The following DCLK1 variants were observed in gnomAD, a reference collection of about 807,000 sequenced individuals.
The protein encoded by DCLK1 is serine/threonine-protein kinase DCLK1.
In DCLK1, 16 loss-of-function variants were observed where a neutral mutation model predicts 86.2. The observed-to-expected ratio is 0.19, with a 90% CI of 0.13 to 0.28. The LOEUF is 0.28. Among genes scored for constraint, DCLK1 ranks in the 10% least tolerant of loss-of-function variants. The pLI, the probability that DCLK1 is intolerant of heterozygous loss-of-function variation, is 1.00. For missense variants in DCLK1, 590 were observed against 940.2 expected (o/e 0.63, Z 4.87); for synonymous variants, 369 against 370.5 (o/e 1.00, Z 0.05).
chr13:36,031,912 C>A (rs1391048636), intron 3 of DCLK1, among the ~76,000 whole-genome samples: 1 of 152,140 alleles, frequency 6.6e-6, no homozygotes, highest in Non-Finnish European at 1.5e-5. Flanking sequence ...GAGGTCTCAG[C>A]AGTGGAGGTC....
At chr13:35,788,163 C>A in intron 16 of DCLK1, 1 of 1,572,096 alleles carries the variant, frequency 6.4e-7, no homozygotes, top group Non-Finnish European at 8.8e-7. Context: ...TGGAGACTGC[C>A]AGCACGTTGC....
At chr13:35,947,247 G>A (rs1282833512) in intron 4 of DCLK1, 111 bp downstream of exon 4, 1 of 687,728 alleles carries the variant, frequency 1.5e-6, no homozygotes, top group Non-Finnish European at 2.5e-6. Context: ...GCTGGGTGAG[G>A]ATCTGAAACT....
intron 2 of DCLK1, among the ~76,000 whole-genome samples, chr13:36,115,101 G>A (rs1885737662): frequency 6.6e-6 from 1 of 152,150 alleles, no homozygotes; most frequent in Admixed American, 6.5e-5. Context: ...GGGTGGATGA[G>A]GCTGCAGTGA....
chr13:35,862,589 TCTACAGCA>T (rs1871483725), intron 5 of DCLK1, among the ~76,000 whole-genome samples: 1 of 152,160 alleles, frequency 6.6e-6, no homozygotes, highest in Non-Finnish European at 1.5e-5. Context: ...ATACCTACAA[TCTACAGCA>T]CAAACATACT....
chr13:35,827,485 A>G, intron 10 of DCLK1, 150 bp downstream of exon 10: 2 of 940,028 alleles, frequency 2.1e-6, no homozygotes, highest in East Asian at 2.7e-5. Flanking sequence ...GCCCTTGTGT[A>G]CCATTCTCCT....
chr13:36,006,164 C>T, intron 3 of DCLK1, among the ~76,000 whole-genome samples: 1 of 152,050 alleles, frequency 6.6e-6, no homozygotes, highest in East Asian at 1.9e-4. Context: ...CACACGTATC[C>T]CAGAACTTAA....
intron 16 of DCLK1, among the ~76,000 whole-genome samples, chr13:35,777,334 G>A (rs1339004165): frequency 6.6e-6 from 1 of 152,202 alleles, no homozygotes; most frequent in Non-Finnish European, 1.5e-5. Context: ...TTTACAGGCA[G>A]GGAAACTGAG....
intron 3 of DCLK1, among the ~76,000 whole-genome samples, chr13:36,074,298 C>T (rs1221821874): frequency 6.6e-6 from 1 of 151,654 alleles, no homozygotes. Flanking sequence ...GTCAGGAGAT[C>T]GAGACCTTCC....
rs140518392 is a variant in DCLK1, at chr13:36,055,109, A to G, written c.723+56760T>C. Among the ~76,000 whole-genome samples the G allele has an allele frequency of 4.4e-3, 673 of 152,294 alleles. 5 individuals are homozygous for G. The highest frequency in any genetic ancestry group is 0.015 in the African/African-American group (641 of 41,560). Reference sequence around the variant, plus strand: ...CGCTGAAAAGGCAAATAAAGAGATTAGAGAGGACTCAGAGCCTTTAAGCAT... The same window carrying G: ...CGCTGAAAAGGCAAATAAAGAGATTGGAGAGGACTCAGAGCCTTTAAGCAT... On this transcript the variant is annotated intron_variant, in intron 3 of 16. Coordinates refer to ENST00000360631, the MANE Select transcript of DCLK1 (RefSeq NM_001330071.2).
At chr13:35,830,320 G>A in intron 8 of DCLK1, among the ~76,000 whole-genome samples, 1 of 152,136 alleles carries the variant, frequency 6.6e-6, no homozygotes, top group South Asian at 2.1e-4. Context: ...GAGCCCAGGA[G>A]GTAAAGGCTG....
intron 3 of DCLK1, among the ~76,000 whole-genome samples, chr13:35,963,279 A>C (rs1185935477): frequency 6.6e-6 from 1 of 152,230 alleles, no homozygotes; most frequent in African/African-American, 2.4e-5. Flanking sequence ...TTTTCTTATG[A>C]GCCTACTACG....
chr13:36,070,832 G>A (rs939945069), intron 3 of DCLK1, among the ~76,000 whole-genome samples: 17 of 151,896 alleles, frequency 1.1e-4, no homozygotes, highest in East Asian at 1.9e-4. Context: ...TAGTAGAAAC[G>A]GGGTTTCACT....
chr13:35,867,408 T>C (rs1367815861), intron 5 of DCLK1, among the ~76,000 whole-genome samples: 1 of 152,210 alleles, frequency 6.6e-6, no homozygotes, highest in African/African-American at 2.4e-5. Context: ...ACTTTCTTTA[T>C]GAAAATGATA....
chr13:36,127,050 G>A (rs1215271850), intron 1 of DCLK1, among the ~76,000 whole-genome samples: 1 of 152,192 alleles, frequency 6.6e-6, no homozygotes, highest in East Asian at 1.9e-4. Context: ...TACAGTGAAA[G>A]AGAAGTAGCT....
At chr13:36,082,075 C>A (rs1163655211) in intron 3 of DCLK1, among the ~76,000 whole-genome samples, 2 of 152,162 alleles carry the variant, frequency 1.3e-5, no homozygotes, top group Non-Finnish European at 2.9e-5. Context: ...CAGGTTTGAA[C>A]TGTGCAAGTC....
intron 16 of DCLK1, among the ~76,000 whole-genome samples, chr13:35,789,247 A>G (rs1383355222): frequency 2.0e-5 from 3 of 152,204 alleles, no homozygotes; most frequent in Admixed American, 2.0e-4. Context: ...TGCTGATGAC[A>G]GTTTCTGCTT....
intron 4 of DCLK1, among the ~76,000 whole-genome samples, chr13:35,935,753 T>C (rs943460774): frequency 5.9e-5 from 9 of 152,218 alleles, no homozygotes; most frequent in Non-Finnish European, 8.8e-5. Context: ...TAAGGATATA[T>C]TGTCAAACAA....
At chr13:35,964,798 A>T (rs1032788033) in intron 3 of DCLK1, among the ~76,000 whole-genome samples, 1 of 146,422 alleles carries the variant, frequency 6.8e-6, no homozygotes, top group African/African-American at 2.6e-5. Context: ...AAAAAAAAAA[A>T]CTCAAGCGAA....
In DCLK1 at chr13:35,867,963, A is replaced by AAGAAAGAAAGAAAGAAAGAAAGAG. The variant is rs796441369; in HGVS notation, c.940+3260_940+3261insCTCTTTCTTTCTTTCTTTCTTTCT. Among the ~76,000 whole-genome samples, 607 of 134,892 alleles carry AAGAAAGAAAGAAAGAAAGAAAGAG rather than the reference A, an allele frequency of 4.5e-3. 7 individuals carry two copies. The highest frequency in any genetic ancestry group is 7.8e-3 in the East Asian group (36 of 4,600). 88.5% of individuals were successfully genotyped at this position (134,892 alleles called of 152,430 possible). On this transcript the variant is annotated intron_variant, in intron 5 of 16. Coordinates refer to ENST00000360631, the MANE Select transcript of DCLK1 (RefSeq NM_001330071.2). ...AAAGAAAGAAAGAAAGAAAGAAAGAAAGAGAAAAAGAAAGACCCTAAACCC... is the reference window on the plus strand; with the variant it reads ...AAAGAAAGAAAGAAAGAAAGAAAGAAAGAAAGAAAGAAAGAAAGAAAGAGAGAGAAAAAGAAAGACCCTAAACCC...
Sources: gnomAD v4.1 joint callset for allele counts (sites outside exome capture counted in the v4.1 genomes callset) on GRCh38, gnomAD v4.1.1 for gene constraint, MANE v1.5 for transcripts, NCBI Gene and HGNC (gene_info 2026-07-23, HGNC 2026-07-21) for gene names.